Variants in PIK3R5 observed in about 807,000 individuals in gnomAD.
PIK3R5 encodes phosphoinositide 3-kinase regulatory subunit 5.
Under a neutral mutation model 94.9 loss-of-function variants are expected in PIK3R5, and 32 were observed. The observed-to-expected ratio is 0.34, with a 90% confidence interval of 0.25 to 0.45. PIK3R5 has a LOEUF of 0.45. Among genes scored for constraint, PIK3R5 ranks in the 20% least tolerant of loss-of-function variants. The pLI, the probability that PIK3R5 is intolerant of heterozygous loss-of-function variation, is 1.00. For missense variants in PIK3R5, 853 were observed against 1,144.6 expected (o/e 0.75, Z 3.68); for synonymous variants, 443 against 479.4 (o/e 0.92, Z 0.99).
chr17:8,907,302 A>T (rs2090417774), intron 3 of PIK3R5, among the ~76,000 whole-genome samples: 1 of 151,988 alleles, frequency 6.6e-6, no homozygotes, highest in Non-Finnish European at 1.5e-5. Context: ...AAGTGCTGGG[A>T]TTACAGGCGT....
chr17:8,890,170 C>T lies in PIK3R5; in HGVS notation c.658-44G>A, dbSNP rs1482756099. 5 of 1,602,250 alleles carry T rather than the reference C, an allele frequency of 3.1e-6. No individual in the cohort carries two copies. In the South Asian group the frequency reaches 5.5e-5, roughly 18 times the overall value. On this transcript the variant is annotated intron_variant, in intron 7 of 18. Coordinates refer to ENST00000447110, the MANE Select transcript of PIK3R5 (RefSeq NM_001142633.3). The surrounding 1 kb of genome is among the most constrained non-coding windows in gnomAD (Gnocchi z 6.1). The stretch of plus-strand genomic sequence containing the variant: ...ATGGGCTTTGCTCCTGGACCGTGAG[C>T]TAGCTGTCCACCTGTTCCAGTTGCT...
chr17:8,890,064 T>A lies in PIK3R5; in HGVS notation c.720A>T (p.Ala240=). Reference sequence around the variant, plus strand: ...CCTCTGCAGCATCCCCGATGCCAGATGCCAGCTCCTGTGCCTCTGCGGTCT... The same window carrying A: ...CCTCTGCAGCATCCCCGATGCCAGAAGCCAGCTCCTGTGCCTCTGCGGTCT... ...FTETAEAQEL[A]SGIGDAAEAR... The change falls in exon 8 of 19, where the codon GCA becomes GCT. Residue 240 remains alanine (A), a synonymous_variant. Coordinates refer to ENST00000447110, the MANE Select transcript of PIK3R5 (RefSeq NM_001142633.3). The surrounding 1 kb of genome is among the most constrained non-coding windows in gnomAD (Gnocchi z 6.1). 6.2e-7 allele frequency: 1 copy of A among 1,614,020 alleles called. No homozygotes were observed. Among genetic ancestry groups the A allele is most frequent in the Non-Finnish European group, 8.5e-7 (1 of 1,179,960 alleles).
chr17:8,958,760 CTTT>C (rs551580901), intron 1 of PIK3R5, among the ~76,000 whole-genome samples: 1 of 144,048 alleles, frequency 6.9e-6, no homozygotes, highest in Non-Finnish European at 1.5e-5. Flanking sequence ...TTCTCTCTCT[CTTT>C]TTTTTTTTTT....
rs913580390 is a variant in PIK3R5 at position 8,925,945 on chromosome 17, C to G, written c.-13-14438G>C. On this transcript the variant is annotated intron_variant, in intron 1 of 18. Transcript: ENST00000447110. The surrounding 1 kb of genome is among the most constrained non-coding windows in gnomAD (Gnocchi z 5.1). ...ATGGAGAGGTCTGGGCTACAGCTCT[C>G]TATTTGGGAGTTCACATGGTGCTGT... Among the ~76,000 whole-genome samples, 2 of 152,198 alleles carry G rather than the reference C, an allele frequency of 1.3e-5. No individual in the cohort carries two copies. Among genetic ancestry groups the G allele is most frequent in the African/African-American group, 2.4e-5 (1 of 41,452 alleles).
intron 5 of PIK3R5, among the ~76,000 whole-genome samples, chr17:8,901,867 G>C (rs1466370230): frequency 1.3e-5 from 2 of 152,146 alleles, no homozygotes; most frequent in African/African-American, 4.8e-5. Context: ...GGCATTGGTT[G>C]ATTATTAGCA....
Position 8,958,140 on chromosome 17 carries a change from G to A in PIK3R5, c.-14+7456C>T, listed in dbSNP as rs1238421846. Among the ~76,000 whole-genome samples, 9 of 152,088 alleles carry A rather than the reference G, an allele frequency of 5.9e-5. No homozygotes were observed. The East Asian group carries it at 7.7e-4, about 13-fold the overall frequency. On this transcript the variant is annotated intron_variant, in intron 1 of 18. Transcript: ENST00000447110. ...AGCCTGGCCAACATGGTGAATCCCC[G>A]TCTCTACTAAAAATACAAAAATTAG...
intron 1 of PIK3R5, among the ~76,000 whole-genome samples, chr17:8,952,408 C>T (rs141185961): frequency 1.5e-3 from 225 of 152,324 alleles, no homozygotes; most frequent in African/African-American, 4.8e-3. Flanking sequence ...AAAGACCACA[C>T]GGTATACCCA....
intron 1 of PIK3R5, among the ~76,000 whole-genome samples, chr17:8,928,626 C>T (rs2090933602): frequency 6.6e-6 from 1 of 152,162 alleles, no homozygotes; most frequent in Admixed American, 6.5e-5. Context: ...GAAGGACAAG[C>T]ACTGTCAGCC....
At chr17:8,934,194 C>A (rs1241290239) in intron 1 of PIK3R5, among the ~76,000 whole-genome samples, 1 of 152,134 alleles carries the variant, frequency 6.6e-6, no homozygotes, top group Middle Eastern at 3.2e-3. Context: ...CCTAAGGAAT[C>A]TATTAAAAAC....
intron 1 of PIK3R5, among the ~76,000 whole-genome samples, chr17:8,927,153 T>C (rs1452708059): frequency 6.6e-6 from 1 of 152,166 alleles, no homozygotes; most frequent in Non-Finnish European, 1.5e-5. Context: ...GCCAGCAATC[T>C]GAAAAAATGG....
At chr17:8,944,055 C>A (rs1014646895) in intron 1 of PIK3R5, among the ~76,000 whole-genome samples, 1 of 152,136 alleles carries the variant, frequency 6.6e-6, no homozygotes, top group Admixed American at 6.5e-5. Flanking sequence ...CCTCTGCTCT[C>A]AAGTAAGCCC....
chr17:8,881,920 G>T lies in PIK3R5; in HGVS notation c.2206-39C>A. 1 of 1,493,574 alleles carries T rather than the reference G, an allele frequency of 6.7e-7. No individual in the cohort carries two copies. Among genetic ancestry groups the T allele is most frequent in the Non-Finnish European group, 9.3e-7 (1 of 1,078,144 alleles). The allele number at this position is 1,493,574 out of a possible 1,614,324, so 92.5% of individuals were successfully genotyped here. A position where few individuals can be genotyped will look rare whatever the true frequency, so the allele number is the denominator to read the frequency against. ...GTAGCCAGACCCTCTGAGTCCAGAGGCCCCGGTGCCTGCTGCCTTCTCTTT... is the reference window on the plus strand; with the variant it reads ...GTAGCCAGACCCTCTGAGTCCAGAGTCCCCGGTGCCTGCTGCCTTCTCTTT... On this transcript the variant is annotated intron_variant, in intron 15 of 18. Coordinates refer to ENST00000447110, the MANE Select transcript of PIK3R5 (RefSeq NM_001142633.3). The surrounding 1 kb of genome is among the most constrained non-coding windows in gnomAD (Gnocchi z 4.8).
At chr17:8,942,872 C>T (rs1295083128) in intron 1 of PIK3R5, among the ~76,000 whole-genome samples, 2 of 151,894 alleles carry the variant, frequency 1.3e-5, no homozygotes, top group Non-Finnish European at 2.9e-5. Context: ...TCCCAAAGTG[C>T]TGGGATTACA....
chr17:8,902,314 G>C (rs1420983761), intron 5 of PIK3R5, among the ~76,000 whole-genome samples: 1 of 131,970 alleles, frequency 7.6e-6, no homozygotes, highest in Non-Finnish European at 1.5e-5. Flanking sequence ...GGAGTGCAAT[G>C]GCACGATCTT....
At chr17:8,951,985 G>A (rs1405245398) in intron 1 of PIK3R5, among the ~76,000 whole-genome samples, 2 of 152,350 alleles carry the variant, frequency 1.3e-5, no homozygotes, top group South Asian at 2.1e-4. Context: ...TTAGAAGGAA[G>A]AGGCATGCAC....
chr17:8,898,539 A>C (rs1194604229), intron 5 of PIK3R5, among the ~76,000 whole-genome samples: 6 of 152,214 alleles, frequency 3.9e-5, no homozygotes, highest in South Asian at 2.1e-4. Flanking sequence ...CTTGTCAGCT[A>C]TGTGACCTGG....
At chr17:8,886,408 C>T (rs560547768) in intron 13 of PIK3R5, 69 bp downstream of exon 13, 12 of 1,601,884 alleles carry the variant, frequency 7.5e-6, no homozygotes, top group Non-Finnish European at 1.0e-5. Context: ...CTGGCTCTCC[C>T]GGGGCAGGGG....
chr17:8,929,784 G>A (rs2090955358), intron 1 of PIK3R5, among the ~76,000 whole-genome samples: 1 of 152,042 alleles, frequency 6.6e-6, no homozygotes, highest in Non-Finnish European at 1.5e-5. Flanking sequence ...ATACAGAGTT[G>A]TATAACGGAC....
At position 8,925,917 on chromosome 17, in the gene PIK3R5, C is replaced by T. The variant is rs574336112; in HGVS notation, c.-13-14410G>A. Among the ~76,000 whole-genome samples, 18 of 152,306 alleles carry T rather than the reference C, an allele frequency of 1.2e-4. No individual in the cohort carries two copies. Among genetic ancestry groups the T allele is most frequent in the African/African-American group, 4.3e-4 (18 of 41,564 alleles). Reference sequence around the variant, plus strand: ...GTCCGAGTTCTATCCCCTTCAGACCCCAATGGAGAGGTCTGGGCTACAGCT... The same window carrying T: ...GTCCGAGTTCTATCCCCTTCAGACCTCAATGGAGAGGTCTGGGCTACAGCT... On this transcript the variant is annotated intron_variant, in intron 1 of 18. Transcript: ENST00000447110. The surrounding 1 kb of genome is among the most constrained non-coding windows in gnomAD (Gnocchi z 5.1).
Sources: allele counts gnomAD v4.1 joint callset (sites outside exome capture counted in the v4.1 genomes callset), GRCh38; gene constraint gnomAD v4.1.1; non-coding constraint Gnocchi (gnomAD v3.1); transcripts MANE v1.5; gene names NCBI Gene and HGNC (gene_info 2026-07-23, HGNC 2026-07-21).